SIL1: variants seen among roughly 807,000 people sequenced by gnomAD.
SIL1 encodes the protein nucleotide exchange factor SIL1.
SIL1 carries 40 observed loss-of-function variants against 49.1 expected under a neutral mutation model. The observed-to-expected ratio is 0.81, with a 90% CI of 0.63 to 1.06. SIL1 has a LOEUF of 1.06. Among genes scored for constraint, SIL1 ranks in the 50% least tolerant of loss-of-function variants. SIL1 has a pLI of 0.00. For missense variants in SIL1, 500 were observed against 572.6 expected, an observed-to-expected ratio of 0.87 and a Z score of 1.29; for synonymous variants, 253 against 250.8, an observed-to-expected ratio of 1.01 and a Z score of -0.08.
chr5:139,086,165 C>G (rs1407748861), intron 3 of SIL1, among the ~76,000 whole-genome samples: 1 of 149,418 alleles, frequency 6.7e-6, no homozygotes, highest in East Asian at 2.0e-4. Flanking sequence ...CCCAGTTACT[C>G]AGGAGGTTGA....
chr5:139,119,097 G>A (rs1021059288), intron 3 of SIL1, among the ~76,000 whole-genome samples: 1 of 152,164 alleles, frequency 6.6e-6, no homozygotes, highest in African/African-American at 2.4e-5. Context: ...GTTTACCAGG[G>A]ACTCTTGAGA....
chr5:139,174,814 T>G (rs1751844666), intron 1 of SIL1, among the ~76,000 whole-genome samples: 1 of 151,176 alleles, frequency 6.6e-6, no homozygotes, highest in Non-Finnish European at 1.5e-5. Flanking sequence ...GTTATGTGCC[T>G]GTAATCCCAG....
intron 7 of SIL1, among the ~76,000 whole-genome samples, chr5:138,974,642 A>G (rs1767355709): frequency 1.3e-5 from 2 of 152,144 alleles, no homozygotes; most frequent in African/African-American, 4.8e-5. Context: ...TTCGGTATGG[A>G]AAGTATGAAA....
At chr5:138,974,346 C>G (rs1383477135) in intron 7 of SIL1, among the ~76,000 whole-genome samples, 1 of 152,228 alleles carries the variant, frequency 6.6e-6, no homozygotes, top group African/African-American at 2.4e-5. Flanking sequence ...CACCTCTGTC[C>G]TCCCCCTTTG....
Position 138,946,845 on chromosome 5 carries a change from G to T in SIL1, c.*272C>A. ...AAGAAGCAGAGACTTGCAACTCCTG[G>T]GCCCAGGTTCCTGCCCTGGAGCCTG... On this transcript the variant is annotated 3_prime_UTR_variant, in exon 10 of 10. Coordinates refer to ENST00000394817, the MANE Select transcript of SIL1 (RefSeq NM_022464.5). 1 of 518,832 alleles carries T rather than the reference G, an allele frequency of 1.9e-6. No homozygotes were observed. The allele number at this position is 518,832 out of a possible 1,614,324, so 32.1% of individuals were successfully genotyped here. A position where few individuals can be genotyped will look rare whatever the true frequency, so the allele number is the denominator to read the frequency against.
chr5:138,955,094 C>A (rs911160710), intron 7 of SIL1, among the ~76,000 whole-genome samples: 4 of 152,302 alleles, frequency 2.6e-5, no homozygotes, highest in African/African-American at 7.2e-5. Context: ...TGCGGCCCAC[C>A]CCTGGAGGGA....
intron 3 of SIL1, among the ~76,000 whole-genome samples, chr5:139,105,822 A>G (rs1037027432): frequency 3.3e-5 from 5 of 152,228 alleles, no homozygotes; most frequent in African/African-American, 1.2e-4. Context: ...ACCCCCAAAG[A>G]ATAGTGGCTT....
intron 7 of SIL1, among the ~76,000 whole-genome samples, chr5:138,953,807 G>A (rs1272062273): frequency 6.6e-6 from 1 of 152,234 alleles, no homozygotes; most frequent in East Asian, 1.9e-4. Context: ...AAGAGAAGAC[G>A]ACCACGCTGA....
chr5:139,120,883 C>A (rs1750613196), intron 3 of SIL1, 152 bp downstream of exon 3: 1 of 932,482 alleles, frequency 1.1e-6, no homozygotes, highest in East Asian at 2.5e-5. Context: ...GTCCCTGAGC[C>A]CTGCAGCAGC....
rs1768669123 is a variant in SIL1, at chr5:139,026,920, C to A, written c.526G>T (p.Val176Phe). 6.2e-7 allele frequency: 1 copy of A among 1,614,072 alleles called. No homozygotes were observed. Among genetic ancestry groups the A allele is most frequent in the Non-Finnish European group, 8.5e-7 (1 of 1,180,032 alleles). ...ATCTGCATGTCAGTCTCAATGACAA[C>A]ATTCAGCTCATCAAAGTCTTTCTTC... ...ELKKDFDELN[V>F]VIETDMQIMV... The change falls in exon 6 of 10, where the codon GTT becomes TTT. Residue 176 changes from valine (V) to phenylalanine (F), a missense_variant. By Grantham distance (50) the Val-to-Phe change is conservative. Coordinates refer to ENST00000394817, the MANE Select transcript of SIL1 (RefSeq NM_022464.5).
chr5:139,109,787 T>G (rs1770803087), intron 3 of SIL1, among the ~76,000 whole-genome samples: 1 of 151,556 alleles, frequency 6.6e-6, no homozygotes, highest in Non-Finnish European at 1.5e-5. Context: ...TGTCTTTTTT[T>G]TTTTTTTTTG....
chr5:139,109,780 C>CT (rs67556338), intron 3 of SIL1, among the ~76,000 whole-genome samples: 6,199 of 130,882 alleles, frequency 0.047, 184 homozygotes, highest in Non-Finnish European at 0.072. Context: ...TCCCCTCTGT[C>CT]TTTTTTTTTT....
rs559668966 is a variant in SIL1, at chr5:139,188,577, A to G, written c.-11+9692T>C. The stretch of plus-strand genomic sequence containing the variant: ...TCCCTTGCTACATGGAACCAGTTGT[A>G]CATCTCAAAGAGAGAGACAGTCAAC... On this transcript the variant is annotated intron_variant, in intron 1 of 9. Coordinates refer to ENST00000394817, the MANE Select transcript of SIL1 (RefSeq NM_022464.5). 2.6e-5 allele frequency among the ~76,000 whole-genome samples: 4 copies of G among 152,348 alleles called. No individual in the cohort carries two copies. The East Asian group carries it at 7.7e-4, about 29-fold the overall frequency.
At chr5:139,077,605 G>C (rs995342980) in intron 3 of SIL1, among the ~76,000 whole-genome samples, 3 of 152,122 alleles carry the variant, frequency 2.0e-5, no homozygotes, top group African/African-American at 4.8e-5. Flanking sequence ...CTCAGAAACA[G>C]AGATCTCACC....
chr5:139,000,469 A>G (rs1164027068), intron 7 of SIL1, among the ~76,000 whole-genome samples: 1 of 152,210 alleles, frequency 6.6e-6, no homozygotes, highest in Non-Finnish European at 1.5e-5. Context: ...AGAATTCAGT[A>G]TATAGTAGAG....
intron 7 of SIL1, among the ~76,000 whole-genome samples, chr5:139,005,459 T>A (rs1768094271): frequency 6.6e-6 from 1 of 150,802 alleles, no homozygotes. Flanking sequence ...TCTTCCTTTT[T>A]TTTTTATTAT....
chr5:139,065,078 T>A (rs1769675805), intron 3 of SIL1, among the ~76,000 whole-genome samples: 1 of 152,134 alleles, frequency 6.6e-6, no homozygotes, highest in Admixed American at 6.5e-5. Context: ...CTTGATTGAG[T>A]TCTGCAGAGG....
chr5:139,035,610 C>A, intron 5 of SIL1: 2 of 350,202 alleles, frequency 5.7e-6, no homozygotes, highest in East Asian at 1.5e-4. Context: ...ACATGGCGCC[C>A]ATTTCACCCT....
At chr5:139,101,601 TAG>T (rs1463536260) in intron 3 of SIL1, among the ~76,000 whole-genome samples, 2 of 152,238 alleles carry the variant, frequency 1.3e-5, no homozygotes, top group African/African-American at 2.4e-5. Flanking sequence ...ACCTACCACA[TAG>T]CAAGTGCTCA....
Sources: gnomAD v4.1 joint callset for allele counts (sites outside exome capture counted in the v4.1 genomes callset) on GRCh38, gnomAD v4.1.1 for gene constraint, MANE v1.5 for transcripts, NCBI Gene and HGNC (gene_info 2026-07-23, HGNC 2026-07-21) for gene names.